The following TBK1 variants were observed in gnomAD, a reference collection of about 807,000 sequenced individuals.
The protein encoded by TBK1 is serine/threonine-protein kinase TBK1.
A neutral mutation model predicts 99.9 loss-of-function variants in TBK1; 37 were observed. The observed-to-expected ratio is 0.37, with a 90% CI of 0.28 to 0.49. TBK1 has a LOEUF of 0.49. Ranked by LOEUF, TBK1 falls within the 20% of genes least tolerant of loss-of-function variation. TBK1 has a pLI of 0.98. For synonymous variants in TBK1, 258 were observed against 279.8 expected, an observed-to-expected ratio of 0.92 and a Z score of 0.78; for missense variants, 644 against 872.5, an observed-to-expected ratio of 0.74 and a Z score of 3.30.
At chr12:64,483,549 G>A (rs1318881774) in intron 8 of TBK1, among the ~76,000 whole-genome samples, 1 of 152,024 alleles carries the variant, frequency 6.6e-6, no homozygotes, top group Non-Finnish European at 1.5e-5. Flanking sequence ...TGTGAAGTGG[G>A]TACTGTTATT....
chr12:64,460,305 C>G lies in TBK1; in HGVS notation c.204C>G (p.Val68=), dbSNP rs777037017. ...VLKKLNHKNI[V]KLFAIEEETT... ...AAAAACTCAATCACAAAAATATTGT[C>G]AAATTATTTGCTATTGAAGAGGAGG... The change falls in exon 3 of 21, where the codon GTC becomes GTG. Residue 68 remains valine, a synonymous_variant. Transcript: ENST00000331710. 1.3e-6 allele frequency: 2 copies of G among 1,565,568 alleles called. No individual in the cohort carries two copies. Among genetic ancestry groups the G allele is most frequent in the Non-Finnish European group, 1.7e-6 (2 of 1,153,416 alleles).
chr12:64,490,670 G>T (rs2040860810), intron 13 of TBK1, among the ~76,000 whole-genome samples: 1 of 152,138 alleles, frequency 6.6e-6, no homozygotes, highest in Admixed American at 6.5e-5. Context: ...GGGCGCGGTG[G>T]CTCATGCCTG....
At chr12:64,479,952 C>A in intron 6 of TBK1, 60 bp from the exon 7 acceptor site, 1 of 1,178,794 alleles carries the variant, frequency 8.5e-7, no homozygotes, top group Non-Finnish European at 1.2e-6. Context: ...TTTGCAAAGC[C>A]CATTAATAAG....
intron 11 of TBK1, among the ~76,000 whole-genome samples, chr12:64,488,219 G>A (rs1464338798): frequency 1.3e-5 from 2 of 152,156 alleles, no homozygotes; most frequent in African/African-American, 4.8e-5. Flanking sequence ...TGTAATTGTA[G>A]ATTAGTTTTT....
intron 10 of TBK1, 192 bp from the exon 11 acceptor site, chr12:64,485,734 G>A: frequency 2.2e-6 from 1 of 445,734 alleles, no homozygotes; most frequent in South Asian, 6.4e-5. Context: ...TTGAGATAGT[G>A]CATGTTTAGA....
Sources: gnomAD v4.1 joint callset for allele counts (sites outside exome capture counted in the v4.1 genomes callset) on GRCh38, gnomAD v4.1.1 for gene constraint, MANE v1.5 for transcripts, NCBI Gene and HGNC (gene_info 2026-07-23, HGNC 2026-07-21) for gene names.